SLC33A1: variants seen among roughly 807,000 people sequenced by gnomAD.
SLC33A1 encodes the protein solute carrier family 33 member 1.
A neutral mutation model predicts 50.0 loss-of-function variants in SLC33A1; 20 were observed. The ratio of observed to expected loss-of-function variants is 0.40; its 90% confidence interval spans 0.28 to 0.58. The LOEUF (loss-of-function observed/expected upper bound fraction) is 0.58, where lower values mean the gene tolerates loss of function less well. Ranked by LOEUF, SLC33A1 falls within the 20% of genes least tolerant of loss-of-function variation. SLC33A1 has a pLI of 0.44. For missense variants in SLC33A1, 476 were observed against 657.0 expected (o/e 0.72, Z 3.01); for synonymous variants, 265 against 251.8 (o/e 1.05, Z -0.50).
intron 2 of SLC33A1, among the ~76,000 whole-genome samples, chr3:155,837,171 T>C (rs1179785092): frequency 5.3e-5 from 8 of 151,690 alleles, no homozygotes; most frequent in African/African-American, 1.5e-4. Flanking sequence ...CCATCCTGGC[T>C]AGGTGAAACC....
intron 2 of SLC33A1, among the ~76,000 whole-genome samples, chr3:155,834,704 A>C (rs1354746827): frequency 6.6e-6 from 1 of 152,228 alleles, no homozygotes; most frequent in African/African-American, 2.4e-5. Flanking sequence ...ATAGATTAGC[A>C]AAGCAATTAA....
At chr3:155,846,048 G>A (rs929791784) in intron 1 of SLC33A1, among the ~76,000 whole-genome samples, 15 of 152,202 alleles carry the variant, frequency 9.9e-5, no homozygotes, top group African/African-American at 3.6e-4. Context: ...TGAAGTGGCT[G>A]CAAGATCTTG....
At chr3:155,833,198 G>T (rs996567323) in intron 4 of SLC33A1, among the ~76,000 whole-genome samples, 1 of 151,986 alleles carries the variant, frequency 6.6e-6, no homozygotes, top group Non-Finnish European at 1.5e-5. Flanking sequence ...GCAGTGAGCC[G>T]AGACTGCACC....
At chr3:155,839,585 A>G (rs1752844271) in intron 2 of SLC33A1, among the ~76,000 whole-genome samples, 1 of 152,152 alleles carries the variant, frequency 6.6e-6, no homozygotes, top group Non-Finnish European at 1.5e-5. Context: ...ATGTAATGCT[A>G]TAGAAATGTT....
intron 1 of SLC33A1, among the ~76,000 whole-genome samples, chr3:155,849,520 T>G (rs1753312804): frequency 6.6e-6 from 1 of 150,712 alleles, no homozygotes; most frequent in African/African-American, 2.4e-5. Flanking sequence ...ACTACAGATA[T>G]AAACAGTTGA....
rs1011164759 is a variant in SLC33A1 at position 155,826,129 on chromosome 3, G to C, written c.*2081C>G. ...AGGCTGGGCGCAGTGGCTCATGCCT[G>C]TAATCCCAGCACTTTGGGAGGCCGA... is the stretch of plus-strand genomic sequence containing the variant. On this transcript the variant is annotated 3_prime_UTR_variant, in exon 6 of 6. Coordinates refer to ENST00000643144, the MANE Select transcript of SLC33A1 (RefSeq NM_004733.4). 1 of 152,230 alleles carries C rather than the reference G, an allele frequency of 6.6e-6. No individual in the cohort carries two copies. The highest frequency in any genetic ancestry group is 1.5e-5 in the Non-Finnish European group (1 of 68,066). The allele number at this position is 152,230 out of a possible 1,614,324, so 9.4% of individuals were successfully genotyped here. A position where few individuals can be genotyped will look rare whatever the true frequency, so the allele number is the denominator to read the frequency against.
At chr3:155,839,569 T>G (rs1418805002) in intron 2 of SLC33A1, among the ~76,000 whole-genome samples, 1 of 152,094 alleles carries the variant, frequency 6.6e-6, no homozygotes, top group Non-Finnish European at 1.5e-5. Context: ...AAGTATGTTT[T>G]CAAATATGTA....
chr3:155,828,174 A>G lies in SLC33A1; in HGVS notation c.*36T>C, dbSNP rs756167745. ...TTGCTCTCCGAATTAAAACTAAACT[A>G]CAATTACCTTGCTAGAATGTCCAGT... is the stretch of plus-strand genomic sequence containing the variant. On this transcript the variant is annotated 3_prime_UTR_variant, in exon 6 of 6. Coordinates refer to ENST00000643144, the MANE Select transcript of SLC33A1 (RefSeq NM_004733.4). 33 of 1,483,000 alleles carry G rather than the reference A, an allele frequency of 2.2e-5. No individual in the cohort carries two copies. The highest frequency in any genetic ancestry group is 2.0e-5 in the Non-Finnish European group (21 of 1,060,846). The allele number at this position is 1,483,000 out of a possible 1,614,324, so 91.9% of individuals were successfully genotyped here. A position where few individuals can be genotyped will look rare whatever the true frequency, so the allele number is the denominator to read the frequency against.
intron 4 of SLC33A1, among the ~76,000 whole-genome samples, chr3:155,830,928 A>G (rs939075470): frequency 2.0e-5 from 3 of 152,214 alleles, no homozygotes; most frequent in Non-Finnish European, 4.4e-5. Flanking sequence ...CTGTGTTTCA[A>G]TAATGGTATT....
chr3:155,837,822 C>A (rs370970232), intron 2 of SLC33A1, among the ~76,000 whole-genome samples: 24 of 151,980 alleles, frequency 1.6e-4, no homozygotes, highest in African/African-American at 5.8e-4. Context: ...GAAAATTAAT[C>A]TGTAGTATTA....
In SLC33A1 at chr3:155,826,853, T is replaced by G. The variant is rs16825439; in HGVS notation, c.*1357A>C. Reference sequence around the variant, plus strand: ...TAAAATTAACAAAATCAGGAGTTAGTACACATTTTTCCACAATGATAAAAT... The same window carrying G: ...TAAAATTAACAAAATCAGGAGTTAGGACACATTTTTCCACAATGATAAAAT... On this transcript the variant is annotated 3_prime_UTR_variant, in exon 6 of 6. Transcript: ENST00000643144. The G allele has an allele frequency of 3.9e-5, 6 of 152,192 alleles. No homozygotes were observed. The highest frequency in any genetic ancestry group is 1.3e-4 in the Admixed American group (2 of 15,262). 9.4% of individuals were successfully genotyped at this position (152,192 alleles called of 1,614,324 possible).
chr3:155,843,016 AAAAAAAG>A, intron 1 of SLC33A1: 1 of 151,484 alleles, frequency 6.6e-6, no homozygotes, highest in Non-Finnish European at 1.5e-5. Context: ...AAAAAAAAAA[AAAAAAAG>A]TCAACATTTA....
rs1752072845 is a variant in SLC33A1 at position 155,821,050 on chromosome 3, A to G, written c.*7160T>C. The G allele has an allele frequency of 6.6e-6, 1 of 152,206 alleles. No individual in the cohort carries two copies. The highest frequency in any genetic ancestry group is 6.5e-5 in the Admixed American group (1 of 15,272). 9.4% of individuals were successfully genotyped at this position (152,206 alleles called of 1,614,324 possible). A position where few individuals can be genotyped will look rare whatever the true frequency, so the allele number is the denominator to read the frequency against. On this transcript the variant is annotated 3_prime_UTR_variant, in exon 6 of 6. Transcript: ENST00000643144. ...TTCATTAATGTTTTATTTTTTAGAG[A>G]ATCACTTTAAGCAATTAAATAACCA...
intron 2 of SLC33A1, among the ~76,000 whole-genome samples, chr3:155,840,633 G>A (rs1375501469): frequency 6.6e-6 from 1 of 151,904 alleles, no homozygotes; most frequent in African/African-American, 2.4e-5. Flanking sequence ...TGACCTACAT[G>A]GAGAAACCCC....
Position 155,828,190 on chromosome 3 carries a change from A to C in SLC33A1, c.*20T>G, listed in dbSNP as rs368273628. ...AACTAAACTACAATTACCTTGCTAG[A>C]ATGTCCAGTAGCATATATATTAATT... is the stretch of plus-strand genomic sequence containing the variant. On this transcript the variant is annotated 3_prime_UTR_variant, in exon 6 of 6. Coordinates refer to ENST00000643144, the MANE Select transcript of SLC33A1 (RefSeq NM_004733.4). 85 of 1,558,122 alleles carry C rather than the reference A, an allele frequency of 5.5e-5. No individual in the cohort carries two copies. The highest frequency in any genetic ancestry group is 1.2e-4 in the Admixed American group (7 of 59,902).
At chr3:155,852,965 G>A in intron 1 of SLC33A1, 1 of 541,164 alleles carries the variant, frequency 1.8e-6, no homozygotes, top group South Asian at 2.2e-5. Context: ...TAAGCAAGTG[G>A]CATGAATCCC....
intron 1 of SLC33A1, among the ~76,000 whole-genome samples, chr3:155,850,168 C>T (rs574650020): frequency 1.3e-5 from 2 of 151,716 alleles, no homozygotes; most frequent in African/African-American, 4.8e-5. Flanking sequence ...GCCATCACAC[C>T]GGGCTAATTT....
intron 4 of SLC33A1, among the ~76,000 whole-genome samples, chr3:155,832,181 C>A (rs1406425342): frequency 6.6e-6 from 1 of 152,094 alleles, no homozygotes; most frequent in Non-Finnish European, 1.5e-5. Flanking sequence ...AGTTCTAGAC[C>A]AGCCTAACCA....
At chr3:155,836,504 A>T (rs1339927603) in intron 2 of SLC33A1, among the ~76,000 whole-genome samples, 3 of 152,060 alleles carry the variant, frequency 2.0e-5, no homozygotes, top group Non-Finnish European at 4.4e-5. Flanking sequence ...AACTGACTTT[A>T]ATGTTTAATC....
Sources: gnomAD v4.1 joint callset for allele counts (sites outside exome capture counted in the v4.1 genomes callset) on GRCh38, gnomAD v4.1.1 for gene constraint, MANE v1.5 for transcripts, NCBI Gene and HGNC (gene_info 2026-07-23, HGNC 2026-07-21) for gene names.